LTBP4: variants seen among roughly 807,000 people sequenced by gnomAD.
LTBP4 encodes latent-transforming growth factor beta-binding protein 4.
LTBP4 carries 93 observed loss-of-function variants against 180.2 expected under a neutral mutation model. The observed-to-expected ratio is 0.52, with a 90% CI of 0.44 to 0.61. The LOEUF (loss-of-function observed/expected upper bound fraction) is 0.61. Ranked by LOEUF, LTBP4 falls within the 20% of genes least tolerant of loss-of-function variation. The pLI, the probability that LTBP4 is intolerant of heterozygous loss-of-function variation, is 0.00. For missense variants in LTBP4, 2,116 were observed against 2,256.5 expected, an observed-to-expected ratio of 0.94 and a Z score of 1.26; for synonymous variants, 947 against 934.5, an observed-to-expected ratio of 1.01 and a Z score of -0.24.
intron 1 of LTBP4, among the ~76,000 whole-genome samples, chr19:40,602,204 G>T (rs2081429400): frequency 1.3e-5 from 2 of 150,008 alleles, no homozygotes; most frequent in South Asian, 2.1e-4. Context: ...TGGGGTGGGG[G>T]TGTCTCCGCA....
At position 40,613,193 on chromosome 19, in the gene LTBP4, G is replaced by T. The variant is rs377504935; in HGVS notation, c.2428G>T (p.Ala810Ser). Residue 810 changes from alanine (A) to serine (S), a missense_variant, in exon 16 of 30, where the codon GCA (alanine) becomes TCA (serine). Ala to Ser is a moderately conservative substitution (Grantham distance 99). Around this residue, in one of 5 missense-constraint regions of LTBP4, gnomAD observed 877 missense variants for 873.6 expected, o/e 1.00. Transcript: ENST00000396819. This position sits in a 1 kb window ranked among gnomAD's most constrained non-coding sequence, Gnocchi z 5.0. ...GCCGTCGGGTCGGCCCGGGCCCTGC[G>T]CAGGTGAGCAGCATAGGGACCCGCC... ...RAPSGRPGPCADVNECLEGDF... is the reference protein window; with the variant it reads ...RAPSGRPGPCSDVNECLEGDF... The T allele has an allele frequency of 6.4e-7, 1 of 1,565,134 alleles. No homozygotes were observed. Among genetic ancestry groups the T allele is most frequent in the Non-Finnish European group, 8.7e-7 (1 of 1,155,024 alleles).
chr19:40,605,618 T>A lies in LTBP4; in HGVS notation c.656T>A (p.Phe219Tyr). The A allele has an allele frequency of 6.3e-7, 1 of 1,593,346 alleles. No homozygotes were observed. Among genetic ancestry groups the A allele is most frequent in the Non-Finnish European group, 8.5e-7 (1 of 1,170,094 alleles). The change falls in exon 3 of 30, where the codon TTC (phenylalanine) becomes TAC (tyrosine). Residue 219 changes from phenylalanine (F) to tyrosine (Y), a missense_variant. Coordinates refer to ENST00000396819, the MANE Select transcript of LTBP4 (RefSeq NM_001042545.2). The surrounding 1 kb of genome is among the most constrained non-coding windows in gnomAD (Gnocchi z 5.5). The part of the protein sequence containing the change: ...REDGYSDASG[F>Y]GYCFRELRGG... ...GACGGCTACTCAGATGCCTCGGGCT[T>A]CGGTTACTGCTTTCGGGAGCTGCGC...
At chr19:40,623,157 CTT>C (rs944989491) in intron 24 of LTBP4, 136 bp downstream of exon 24, 3 of 540,476 alleles carry the variant, frequency 5.6e-6, no homozygotes, top group Non-Finnish European at 9.2e-6. Context: ...TACTCTGTCT[CTT>C]TCTTTCTTTT....
intron 21 of LTBP4, among the ~76,000 whole-genome samples, chr19:40,618,415 A>G (rs2081565109): frequency 6.6e-6 from 1 of 152,022 alleles, no homozygotes; most frequent in South Asian, 2.1e-4. Context: ...GCCCACCACT[A>G]TGCCCAGCTA....
At position 40,609,806 on chromosome 19, in the gene LTBP4, C is replaced by A; in HGVS notation, c.1619C>A (p.Pro540Gln). Residue 540 changes from proline to glutamine, a missense_variant, in exon 11 of 30, where the codon CCA becomes CAA. This residue lies in a region of LTBP4 where 877 missense variants were observed against 873.6 expected (regional missense o/e 1.00). Transcript: ENST00000396819. The surrounding 1 kb of genome is among the most constrained non-coding windows in gnomAD (Gnocchi z 4.9). ...GCTCCCGGGCGCTGCGAGAACTCAC[C>A]AGGCAGCTTCCGCTGCGTGTGCGGC... ...PCAPGRCENS[P>Q]GSFRCVCGPG... 6.2e-7 allele frequency: 1 copy of A among 1,608,956 alleles called. No homozygotes were observed. The highest frequency in any genetic ancestry group is 8.5e-7 in the Non-Finnish European group (1 of 1,177,414).
Position 40,623,663 on chromosome 19 carries a change from A to C in LTBP4, c.3616A>C (p.Thr1206Pro). 2 of 1,613,718 alleles carry C rather than the reference A, an allele frequency of 1.2e-6. No individual in the cohort carries two copies. The highest frequency in any genetic ancestry group is 1.7e-6 in the Non-Finnish European group (2 of 1,179,860). The change falls in exon 25 of 30, where the codon ACG (threonine) becomes CCG (proline). Residue 1206 changes from threonine to proline, a missense_variant. Thr to Pro is a conservative substitution (Grantham distance 38). Transcript: ENST00000396819. ...QVCKSGVCVN[T>P]APGYSCYCSN... ...GTGCAAGAGTGGCGTGTGTGTGAAC[A>C]CGGCCCCGGGCTACTCATGCTATTG...
chr19:40,615,774 A>C (rs942258109), intron 19 of LTBP4, among the ~76,000 whole-genome samples: 1 of 152,196 alleles, frequency 6.6e-6, no homozygotes, highest in African/African-American at 2.4e-5. Context: ...AAATTTATAC[A>C]ACAAAAAACT....
At chr19:40,606,626 C>T in intron 6 of LTBP4, 100 bp downstream of exon 6, 1 of 1,439,318 alleles carries the variant, frequency 6.9e-7, no homozygotes, top group Non-Finnish European at 9.3e-7. Flanking sequence ...CCCCCCCAGA[C>T]TCCCGGGTTC....
At chr19:40,604,583 C>T (rs1387873564) in intron 1 of LTBP4, among the ~76,000 whole-genome samples, 1 of 152,180 alleles carries the variant, frequency 6.6e-6, no homozygotes, top group African/African-American at 2.4e-5. Context: ...TGGGCTCACG[C>T]CTGTAATCCC....
upstream of LTBP4, chr19:40,600,293 C>T: frequency 4.5e-6 from 2 of 443,332 alleles, no homozygotes; most frequent in Non-Finnish European, 7.7e-6. This position sits in a 1 kb window ranked among gnomAD's most constrained non-coding sequence, Gnocchi z 4.4. Flanking sequence ...GCTCAGCACC[C>T]ACCCCCAGGA....
In LTBP4 at chr19:40,605,709, C is replaced by T. The variant is rs1568403091; in HGVS notation, c.691-20C>T. On this transcript the variant is annotated intron_variant, in intron 3 of 29. Transcript: ENST00000396819. The surrounding 1 kb of genome is among the most constrained non-coding windows in gnomAD (Gnocchi z 5.5). ...GCTTGCCTCCGCGCGGGGGCGCGCT[C>T]ACCCAACACTTCCCCGCAGTGCGCG... is the stretch of plus-strand genomic sequence containing the variant. 6.5e-7 allele frequency: 1 copy of T among 1,547,344 alleles called. No homozygotes were observed. The highest frequency in any genetic ancestry group is 8.7e-7 in the Non-Finnish European group (1 of 1,146,376).
chr19:40,616,278 A>G (rs904047617), intron 19 of LTBP4, among the ~76,000 whole-genome samples: 10 of 149,148 alleles, frequency 6.7e-5, no homozygotes, highest in Middle Eastern at 3.4e-3. Context: ...TGAGCAACAG[A>G]GCAAGACCCC....
chr19:40,614,911 T>A (rs1363590851), intron 19 of LTBP4, among the ~76,000 whole-genome samples: 1 of 152,118 alleles, frequency 6.6e-6, no homozygotes, highest in East Asian at 1.9e-4. Context: ...CAATGAGAAA[T>A]TCCCAAGGTG....
chr19:40,627,854 G>A lies in LTBP4; in HGVS notation c.4516G>A (p.Val1506Ile), dbSNP rs768580577. The change falls in exon 29 of 30, where the codon GTT (valine) becomes ATT (isoleucine). Residue 1506 changes from valine (V) to isoleucine (I), a missense_variant. By Grantham distance (29) the Val-to-Ile change is conservative. This residue lies in a region of LTBP4 where 488 missense variants were observed against 458.8 expected (regional missense o/e 1.06). Coordinates refer to ENST00000396819, the MANE Select transcript of LTBP4 (RefSeq NM_001042545.2). ...CCTGGACATGACCCGCATGGCCTGC[G>A]TTGGTGAGGGCGGGCCCGGGGCCAG... The part of the protein sequence containing the change: ...YRLDMTRMAC[V>I]DINECDEAEA... 3 of 1,562,898 alleles carry A rather than the reference G, an allele frequency of 1.9e-6. No individual in the cohort carries two copies. The highest frequency in any genetic ancestry group is 1.9e-5 in the Admixed American group (1 of 53,968).
At position 40,629,495 on chromosome 19, in the gene LTBP4, G is replaced by A. The variant is rs1464346597; in HGVS notation, c.4619G>A (p.Gly1540Glu). 23 of 1,604,980 alleles carry A rather than the reference G, an allele frequency of 1.4e-5. No homozygotes were observed. Among genetic ancestry groups the A allele is most frequent in the Middle Eastern group, 3.3e-4 (2 of 6,058 alleles). ...DGSFRCICRP[G>E]FAPTHQPHHC... is the part of the protein sequence containing the mutation. ...TCCTTCCGCTGCATCTGCCGCCCGG[G>A]ATTCGCACCCACGCACCAGCCGCAC... is the stretch of plus-strand genomic sequence containing the variant. The change falls in exon 30 of 30, where the codon GGA (glycine) becomes GAA (glutamate). Residue 1540 changes from glycine (G) to glutamate (E), a missense_variant. Coordinates refer to ENST00000396819, the MANE Select transcript of LTBP4 (RefSeq NM_001042545.2). This position sits in a 1 kb window ranked among gnomAD's most constrained non-coding sequence, Gnocchi z 4.5.
chr19:40,613,887 G>A lies in LTBP4; in HGVS notation c.2558-29G>A. On this transcript the variant is annotated intron_variant, in intron 17 of 29. Coordinates refer to ENST00000396819, the MANE Select transcript of LTBP4 (RefSeq NM_001042545.2). The surrounding 1 kb of genome is among the most constrained non-coding windows in gnomAD (Gnocchi z 5.0). The stretch of plus-strand genomic sequence containing the variant: ...GAATGTTAGGCGGAGCGGGAGGTGG[G>A]CCGGGCCTTCGGACGCCCTGTCCCG... 1 of 1,612,878 alleles carries A rather than the reference G, an allele frequency of 6.2e-7. No individual in the cohort carries two copies. The highest frequency in any genetic ancestry group is 8.5e-7 in the Non-Finnish European group (1 of 1,179,700).
At position 40,612,079 on chromosome 19, in the gene LTBP4, A is replaced by T. The variant is rs772403090; in HGVS notation, c.2186A>T (p.Asp729Val). Residue 729 changes from aspartate to valine, a missense_variant, in exon 15 of 30, where the codon GAT (aspartate) becomes GTT (valine). By Grantham distance (152) the Asp-to-Val change is radical. Around this residue, in one of 5 missense-constraint regions of LTBP4, gnomAD observed 877 missense variants for 873.6 expected, o/e 1.00. Coordinates refer to ENST00000396819, the MANE Select transcript of LTBP4 (RefSeq NM_001042545.2). ...NTAGSECEDV[D>V]ECENHLACPG... ...CCTCTCCCCTGCCCCCCAGATGTGG[A>T]TGAGTGTGAGAACCACCTCGCATGC... 5 of 1,613,478 alleles carry T rather than the reference A, an allele frequency of 3.1e-6. No individual in the cohort carries two copies. Among genetic ancestry groups the T allele is most frequent in the Admixed American group, 1.7e-5 (1 of 59,958 alleles).
intron 21 of LTBP4, among the ~76,000 whole-genome samples, chr19:40,618,910 A>C (rs2081567501): frequency 6.6e-6 from 1 of 152,112 alleles, no homozygotes; most frequent in Non-Finnish European, 1.5e-5. Flanking sequence ...CATGATTTTC[A>C]GGCAGATTAT....
chr19:40,612,082 A>T lies in LTBP4; in HGVS notation c.2189A>T (p.Glu730Val). 6.2e-7 allele frequency: 1 copy of T among 1,613,538 alleles called. No homozygotes were observed. The highest frequency in any genetic ancestry group is 8.5e-7 in the Non-Finnish European group (1 of 1,179,742). ...CTCCCCTGCCCCCCAGATGTGGATG[A>T]GTGTGAGAACCACCTCGCATGCCCT... Reference protein sequence around the residue: ...TAGSECEDVDECENHLACPGQ... With the variant: ...TAGSECEDVDVCENHLACPGQ... Residue 730 changes from glutamate (E) to valine (V), a missense_variant, in exon 15 of 30, where the codon GAG (glutamate) becomes GTG (valine). By Grantham distance (121) the Glu-to-Val change is moderately radical. Transcript: ENST00000396819.
Sources: gnomAD v4.1 joint callset for allele counts (sites outside exome capture counted in the v4.1 genomes callset) on GRCh38, gnomAD v4.1.1 for gene constraint, gnomAD v4.1.1 regional missense constraint, Gnocchi (gnomAD v3.1) non-coding constraint, MANE v1.5 for transcripts, NCBI Gene and HGNC (gene_info 2026-07-23, HGNC 2026-07-21) for gene names.